The following RGS7 variants were observed in gnomAD, a reference collection of about 807,000 sequenced individuals.
RGS7 encodes regulator of G-protein signaling 7.
RGS7 carries 27 observed loss-of-function variants against 81.1 expected under a neutral mutation model. That is an observed-to-expected ratio of 0.33 (90% CI 0.25 to 0.46). The LOEUF is 0.46. Ranked by LOEUF, RGS7 falls within the 20% of genes least tolerant of loss-of-function variation. The probability of loss-of-function intolerance (pLI) is 1.00; values close to 1 mark genes in which losing one functional copy is unlikely to be tolerated. For synonymous variants in RGS7, 208 were observed against 207.7 expected (o/e 1.00, Z -0.01); for missense variants, 396 against 607.4 (o/e 0.65, Z 3.66).
At chr1:241,255,594 T>C (rs1014770986) in intron 2 of RGS7, among the ~76,000 whole-genome samples, 1 of 152,172 alleles carries the variant, frequency 6.6e-6, no homozygotes, top group Non-Finnish European at 1.5e-5. Flanking sequence ...GCTGTCAGCA[T>C]TTAGGGAGCC....
intron 9 of RGS7, among the ~76,000 whole-genome samples, chr1:240,847,252 G>A (rs532287239): frequency 6.6e-6 from 1 of 152,174 alleles, no homozygotes; most frequent in African/African-American, 2.4e-5. Flanking sequence ...CTGAACAAGG[G>A]TTGTGTGCCA....
intron 3 of RGS7, among the ~76,000 whole-genome samples, chr1:241,020,283 A>G (rs1572300999): frequency 2.0e-5 from 3 of 152,214 alleles, no homozygotes; most frequent in Admixed American, 2.0e-4. Flanking sequence ...AACTTGGTGG[A>G]TTAATAAACA....
At chr1:240,951,381 T>C (rs552846487) in intron 4 of RGS7, among the ~76,000 whole-genome samples, 2 of 152,120 alleles carry the variant, frequency 1.3e-5, no homozygotes, top group Non-Finnish European at 2.9e-5. Flanking sequence ...GGGACTCTAA[T>C]AGAAAAAGTG....
At chr1:241,342,474 T>C (rs2082623809) in intron 2 of RGS7, among the ~76,000 whole-genome samples, 1 of 152,218 alleles carries the variant, frequency 6.6e-6, no homozygotes, top group East Asian at 1.9e-4. Flanking sequence ...CAATTGCTAA[T>C]GAAATTACAA....
At chr1:240,992,228 G>A (rs984556543) in intron 3 of RGS7, among the ~76,000 whole-genome samples, 2 of 152,208 alleles carry the variant, frequency 1.3e-5, no homozygotes, top group African/African-American at 4.8e-5. Context: ...CTCAGGCCGG[G>A]CGCGTTGGCT....
intron 13 of RGS7, among the ~76,000 whole-genome samples, chr1:240,813,292 G>C (rs1267213944): frequency 6.6e-6 from 1 of 152,200 alleles, no homozygotes; most frequent in Non-Finnish European, 1.5e-5. Flanking sequence ...GACTACATGA[G>C]ACTTTGTGGC....
At chr1:241,143,565 G>A (rs1008792229) in intron 2 of RGS7, among the ~76,000 whole-genome samples, 1 of 152,146 alleles carries the variant, frequency 6.6e-6, no homozygotes, top group African/African-American at 2.4e-5. Flanking sequence ...GCATGGGAAA[G>A]ACCTGCCCCC....
intron 2 of RGS7, among the ~76,000 whole-genome samples, chr1:241,249,424 T>C (rs954390633): frequency 1.3e-5 from 2 of 152,188 alleles, no homozygotes; most frequent in African/African-American, 4.8e-5. Context: ...TACTGTTCCC[T>C]TGAAATATTG....
At chr1:241,307,701 C>G (rs1251624590) in intron 2 of RGS7, among the ~76,000 whole-genome samples, 2 of 152,146 alleles carry the variant, frequency 1.3e-5, no homozygotes, top group Non-Finnish European at 2.9e-5. Context: ...AGAAATTTGA[C>G]AGGAGTAAGA....
intron 2 of RGS7, among the ~76,000 whole-genome samples, chr1:241,335,254 A>G (rs368694689): frequency 6.6e-6 from 1 of 152,316 alleles, no homozygotes; most frequent in East Asian, 1.9e-4. Context: ...ATACATGCAC[A>G]TTTCACAAAT....
At chr1:240,904,384 T>C (rs261806) in intron 6 of RGS7, among the ~76,000 whole-genome samples, 66,196 of 152,048 alleles carry the variant, frequency 0.44, 14,944 homozygotes, top group Middle Eastern at 0.51. Flanking sequence ...AACACACACA[T>C]ACAAACACAC....
chr1:241,053,993 T>C (rs936426835), intron 3 of RGS7, among the ~76,000 whole-genome samples: 1 of 152,220 alleles, frequency 6.6e-6, no homozygotes, highest in Non-Finnish European at 1.5e-5. Flanking sequence ...TACGTCTTTA[T>C]CAGCAGTGTA....
In RGS7 at chr1:240,960,217, C is replaced by CTTCTTTTTTTTTTTTTTTTTTTT. The variant is rs60911948; in HGVS notation, c.226+22861_226+22862insAAAAAAAAAAAAAAAAAAAAGAA. Among the ~76,000 whole-genome samples the CTTCTTTTTTTTTTTTTTTTTTTT allele has an allele frequency of 2.3e-3, 21 of 8,954 alleles. 1 individual carries two copies. Among genetic ancestry groups the CTTCTTTTTTTTTTTTTTTTTTTT allele is most frequent in the Non-Finnish European group, 2.9e-3 (15 of 5,104 alleles). The allele number at this position is 8,954 out of a possible 152,430, so 5.9% of individuals were successfully genotyped here. On this transcript the variant is annotated intron_variant, in intron 4 of 18. Coordinates refer to ENST00000440928, the MANE Select transcript of RGS7 (RefSeq NM_001364886.1). ...TTTTCTTCTTCTTCCTCTTCTTCTTCTTTTTTTTTTTTTTTTTGTTGTTGT... is the reference window on the plus strand; with the variant it reads ...TTTTCTTCTTCTTCCTCTTCTTCTTCTTCTTTTTTTTTTTTTTTTTTTTTTTTTTTTTTTTTTTTTGTTGTTGT...
chr1:241,016,467 A>G (rs1462381002), intron 3 of RGS7, among the ~76,000 whole-genome samples: 1 of 152,094 alleles, frequency 6.6e-6, no homozygotes, highest in Non-Finnish European at 1.5e-5. Flanking sequence ...GCAGTGAGCC[A>G]AGATTGTGCC....
intron 3 of RGS7, among the ~76,000 whole-genome samples, chr1:241,072,031 G>A (rs1242598033): frequency 1.3e-5 from 2 of 152,090 alleles, no homozygotes; most frequent in African/African-American, 4.8e-5. Flanking sequence ...CAGAAACAGA[G>A]AGAGCTGGAA....
At chr1:240,834,269 T>G (rs953579349) in intron 9 of RGS7, among the ~76,000 whole-genome samples, 13 of 152,190 alleles carry the variant, frequency 8.5e-5, no homozygotes, top group Admixed American at 8.5e-4. Context: ...TTCACTCTTC[T>G]CTATAGTATT....
chr1:240,828,236 T>C (rs367923954), intron 9 of RGS7, among the ~76,000 whole-genome samples: 18 of 152,324 alleles, frequency 1.2e-4, no homozygotes, highest in Admixed American at 3.9e-4. Flanking sequence ...GTCAGATTTA[T>C]TGTTCTGTTG....
Position 241,074,184 on chromosome 1 carries a change from C to T in RGS7, c.175+24482G>A, listed in dbSNP as rs113512213. On this transcript the variant is annotated intron_variant, in intron 3 of 18. Transcript: ENST00000440928. ...AAGTGCTGGGATTACAGGCTTGAGC[C>T]ATCATGCCCTCCTGTCTCTTAGTTT... Among the ~76,000 whole-genome samples, 59 of 152,294 alleles carry T rather than the reference C, an allele frequency of 3.9e-4. 1 individual carries two copies. Among genetic ancestry groups the T allele is most frequent in the Middle Eastern group, 6.8e-3 (2 of 294 alleles).
At chr1:240,914,022 A>C (rs1026944845) in intron 6 of RGS7, among the ~76,000 whole-genome samples, 3 of 150,650 alleles carry the variant, frequency 2.0e-5, no homozygotes, top group Non-Finnish European at 4.4e-5. Context: ...TTAACTCGTC[A>C]TCTAGCATTA....
Sources: gnomAD v4.1 joint callset for allele counts (sites outside exome capture counted in the v4.1 genomes callset) on GRCh38, gnomAD v4.1.1 for gene constraint, MANE v1.5 for transcripts, NCBI Gene and HGNC (gene_info 2026-07-23, HGNC 2026-07-21) for gene names.